PLS1: variants seen among roughly 807,000 people sequenced by gnomAD.
PLS1 encodes the protein plastin 1.
PLS1 carries 32 observed loss-of-function variants against 73.7 expected under a neutral mutation model. That is an observed-to-expected ratio of 0.43 (90% CI 0.33 to 0.58). PLS1 has a LOEUF of 0.58. Ranked by LOEUF, PLS1 falls within the 20% of genes least tolerant of loss-of-function variation. The pLI, the probability that PLS1 is intolerant of heterozygous loss-of-function variation, is 0.04. For synonymous variants in PLS1, 217 were observed against 261.3 expected, an observed-to-expected ratio of 0.83 and a Z score of 1.63; for missense variants, 633 against 740.5, an observed-to-expected ratio of 0.85 and a Z score of 1.68.
intron 1 of PLS1, among the ~76,000 whole-genome samples, chr3:142,630,477 G>A (rs547503376): frequency 6.6e-6 from 1 of 151,318 alleles, no homozygotes; most frequent in Admixed American, 6.6e-5. Context: ...TCCTGGCTGG[G>A]TGCAGTGGCT....
At chr3:142,699,911 AT>A (rs1290285675) in intron 12 of PLS1, among the ~76,000 whole-genome samples, 2 of 152,138 alleles carry the variant, frequency 1.3e-5, no homozygotes, top group African/African-American at 4.8e-5. Context: ...TTTTAATTTC[AT>A]TTGATTTGCA....
intron 10 of PLS1, among the ~76,000 whole-genome samples, chr3:142,694,149 C>A (rs2038144593): frequency 6.6e-6 from 1 of 151,818 alleles, no homozygotes; most frequent in Admixed American, 6.6e-5. Flanking sequence ...TAGTGAATCC[C>A]TTTTGCATCT....
At chr3:142,696,537 T>C (rs1027331267) in intron 11 of PLS1, among the ~76,000 whole-genome samples, 1 of 152,070 alleles carries the variant, frequency 6.6e-6, no homozygotes, top group African/African-American at 2.4e-5. Context: ...TTTAGGTTCC[T>C]GCCTATAGTA....
At chr3:142,662,493 C>T (rs2037393264) in intron 1 of PLS1, among the ~76,000 whole-genome samples, 1 of 152,122 alleles carries the variant, frequency 6.6e-6, no homozygotes, top group Admixed American at 6.6e-5. Context: ...TGCAGCAAAC[C>T]ACCATGGCAC....
At chr3:142,645,827 T>G (rs59557609) in intron 1 of PLS1, among the ~76,000 whole-genome samples, 6,479 of 152,262 alleles carry the variant, frequency 0.043, 442 homozygotes, top group African/African-American at 0.15. Context: ...TTCACAAAGC[T>G]TATTTAAATC....
Position 142,671,110 on chromosome 3 carries a change from C to T in PLS1, c.352C>T (p.His118Tyr). ...AACTATTTCCAGTGAGGGCACACAG[C>T]ATTCTTATTCAGGTAACTGACTTCT... is the stretch of plus-strand genomic sequence containing the variant. ...TSTISSEGTQHSYSEEEKVAF... is the reference protein window; with the variant it reads ...TSTISSEGTQYSYSEEEKVAF... The change falls in exon 4 of 16, where the codon CAT becomes TAT. Residue 118 changes from histidine (H) to tyrosine (Y), a missense_variant. Coordinates refer to ENST00000457734, the MANE Select transcript of PLS1 (RefSeq NM_001145319.2). 2 of 1,610,492 alleles carry T rather than the reference C, an allele frequency of 1.2e-6. No individual in the cohort carries two copies. Among genetic ancestry groups the T allele is most frequent in the Non-Finnish European group, 1.7e-6 (2 of 1,177,544 alleles).
chr3:142,691,983 T>C (rs181583384), intron 10 of PLS1, among the ~76,000 whole-genome samples: 1 of 152,290 alleles, frequency 6.6e-6, no homozygotes, highest in East Asian at 1.9e-4. Context: ...GTTCAAATCA[T>C]AGTTCCACTA....
At chr3:142,656,569 T>C (rs2037242071) in intron 1 of PLS1, 1 of 152,246 alleles carries the variant, frequency 6.6e-6, no homozygotes, top group African/African-American at 2.4e-5. Flanking sequence ...TTTTCCAAAA[T>C]GAATGATACA....
At chr3:142,626,306 G>A (rs1560036004) in intron 1 of PLS1, among the ~76,000 whole-genome samples, 2 of 152,278 alleles carry the variant, frequency 1.3e-5, no homozygotes, top group African/African-American at 4.8e-5. Flanking sequence ...TTGTTAGGGA[G>A]GATGGAGGGG....
intron 1 of PLS1, among the ~76,000 whole-genome samples, chr3:142,610,185 A>T (rs1369516363): frequency 6.6e-6 from 1 of 152,180 alleles, no homozygotes; most frequent in Non-Finnish European, 1.5e-5. Context: ...AGTGTTTTAT[A>T]TGAATTACGT....
rs577658126 is a variant in PLS1, at chr3:142,650,586, T to C, written c.-36-13616T>C. 3.3e-5 allele frequency among the ~76,000 whole-genome samples: 5 copies of C among 152,264 alleles called. No individual in the cohort carries two copies. In the South Asian group the frequency reaches 1.0e-3, roughly 32 times the overall value. On this transcript the variant is annotated intron_variant, in intron 1 of 15. Coordinates refer to ENST00000457734, the MANE Select transcript of PLS1 (RefSeq NM_001145319.2). ...ATGCCTATTCATAAAGCAAAATCAC[T>C]GTGGCTGGGGAATATGATGTGCTGC... is the stretch of plus-strand genomic sequence containing the variant.
chr3:142,656,646 G>T (rs1442961180), intron 1 of PLS1: 1 of 152,082 alleles, frequency 6.6e-6, no homozygotes, highest in Admixed American at 6.5e-5. Context: ...TATTTTCCAG[G>T]TTTTCCTTTA....
At chr3:142,641,051 T>G (rs2036822164) in intron 1 of PLS1, among the ~76,000 whole-genome samples, 1 of 151,150 alleles carries the variant, frequency 6.6e-6, no homozygotes, top group Non-Finnish European at 1.5e-5. Context: ...AGTCCTAGCT[T>G]TGAGAGGCTG....
At chr3:142,639,721 C>G (rs1041007137) in intron 1 of PLS1, among the ~76,000 whole-genome samples, 16 of 152,210 alleles carry the variant, frequency 1.1e-4, no homozygotes, top group African/African-American at 3.9e-4. Context: ...AGAAATTAAA[C>G]TTCTTGATGC....
rs1195174936 is a variant in PLS1, at chr3:142,676,198, C to CTCT, written c.407_408insCTT (p.Leu136dup). 3.7e-6 allele frequency: 6 copies of CTCT among 1,613,338 alleles called. No individual in the cohort carries two copies. In the African/African-American group the frequency reaches 8.0e-5, roughly 22 times the overall value. ...TTTTGTTAACTGGATAAACAAAGCC[C>CTCT]TGGAGAATGACCCTGACTGTAAGCA... On this transcript the variant is annotated inframe_insertion, in exon 5 of 16. Coordinates refer to ENST00000457734, the MANE Select transcript of PLS1 (RefSeq NM_001145319.2).
intron 2 of PLS1, among the ~76,000 whole-genome samples, chr3:142,664,807 C>T (rs61001914): frequency 6.6e-6 from 1 of 152,048 alleles, no homozygotes; most frequent in East Asian, 1.9e-4. Context: ...CCTTATTTTT[C>T]TTCTTTCACT....
intron 4 of PLS1, among the ~76,000 whole-genome samples, chr3:142,675,921 C>T (rs2037714859): frequency 1.3e-5 from 2 of 149,340 alleles, no homozygotes; most frequent in South Asian, 4.3e-4. Flanking sequence ...AGTGATCAGC[C>T]CGCCTTGGAA....
intron 1 of PLS1, among the ~76,000 whole-genome samples, chr3:142,643,464 A>G (rs1467507383): frequency 1.3e-5 from 2 of 152,226 alleles, no homozygotes; most frequent in Non-Finnish European, 2.9e-5. Context: ...GTTATGGCCT[A>G]TGATGGGCAT....
At chr3:142,607,733 CAT>C in intron 1 of PLS1, among the ~76,000 whole-genome samples, 1 of 152,300 alleles carries the variant, frequency 6.6e-6, no homozygotes, top group Non-Finnish European at 1.5e-5. Context: ...CAGGATACCA[CAT>C]GACATTTAGT....
Sources: allele counts gnomAD v4.1 joint callset (sites outside exome capture counted in the v4.1 genomes callset), GRCh38; gene constraint gnomAD v4.1.1; transcripts MANE v1.5; gene names NCBI Gene and HGNC (gene_info 2026-07-23, HGNC 2026-07-21).